PLEKHG3: variants seen among roughly 807,000 people sequenced by gnomAD.
The protein encoded by PLEKHG3 is pleckstrin homology domain-containing family G member 3.
A neutral mutation model predicts 94.9 loss-of-function variants in PLEKHG3; 62 were observed. The ratio of observed to expected loss-of-function variants is 0.65; its 90% confidence interval spans 0.53 to 0.81. PLEKHG3 has a LOEUF of 0.81. Ranked by LOEUF, PLEKHG3 falls within the 30% of genes least tolerant of loss-of-function variation. PLEKHG3 has a pLI of 0.00. For synonymous variants in PLEKHG3, 614 were observed against 654.0 expected, an observed-to-expected ratio of 0.94 and a Z score of 0.93; for missense variants, 1,461 against 1,619.3, an observed-to-expected ratio of 0.90 and a Z score of 1.68.
intron 12 of PLEKHG3, 109 bp downstream of exon 12, chr14:64,733,010 C>T (rs1238691201): frequency 1.4e-6 from 1 of 693,056 alleles, no homozygotes; most frequent in Non-Finnish European, 2.5e-6. Context: ...TGCGGAAACC[C>T]TGGGAAAGGC....
Position 64,725,368 on chromosome 14 carries a change from C to T in PLEKHG3, c.-39-2225C>T, listed in dbSNP as rs1395189579. On this transcript the variant is annotated intron_variant, in intron 1 of 16. Transcript: ENST00000247226. This position sits in a 1 kb window ranked among gnomAD's most constrained non-coding sequence, Gnocchi z 5.0. ...CTGTAAATCCCTGCCCCTTTGTTCC[C>T]TGCTGGGATGGTGGTGGTGGGTGGG... 7.4e-6 allele frequency among the ~76,000 whole-genome samples: 1 copy of T among 134,798 alleles called. No individual in the cohort carries two copies. The highest frequency in any genetic ancestry group is 7.5e-5 in the Admixed American group (1 of 13,340). The allele number at this position is 134,798 out of a possible 152,430, so 88.4% of individuals were successfully genotyped here.
rs2081187664 is a variant in PLEKHG3, at chr14:64,717,402, C to G, written c.-39-10191C>G. 6.6e-6 allele frequency among the ~76,000 whole-genome samples: 1 copy of G among 152,114 alleles called. No individual in the cohort carries two copies. The highest frequency in any genetic ancestry group is 2.4e-5 in the African/African-American group (1 of 41,402). ...TTAGGGAATTGCCCTGGCAGCCTTG[C>G]CTCCAAGCCACCATTCTGATGGGCT... On this transcript the variant is annotated intron_variant, in intron 1 of 16. Transcript: ENST00000247226. This position sits in a 1 kb window ranked among gnomAD's most constrained non-coding sequence, Gnocchi z 4.7.
chr14:64,743,332 C>T lies in PLEKHG3; in HGVS notation c.3289C>T (p.Arg1097Cys), dbSNP rs772238629. 3.4e-5 allele frequency: 55 copies of T among 1,607,052 alleles called. No homozygotes were observed. Among genetic ancestry groups the T allele is most frequent in the East Asian group, 4.5e-5 (2 of 44,816 alleles). ...GCCACCTCTGTCGGGCAGGGTGGGC[C>T]GCTGCCGCAGCCTGAGCACCAAGAG... The part of the protein sequence containing the change: ...VEPPLSGRVG[R>C]CRSLSTKRGR... Residue 1097 changes from arginine (R) to cysteine (C), a missense_variant, in exon 17 of 17, where the codon CGC becomes TGC. By Grantham distance (180) the Arg-to-Cys change is radical. Coordinates refer to ENST00000247226, the MANE Select transcript of PLEKHG3 (RefSeq NM_001308147.2). The surrounding 1 kb of genome is among the most constrained non-coding windows in gnomAD (Gnocchi z 7.2).
At position 64,742,323 on chromosome 14, in the gene PLEKHG3, C is replaced by T. The variant is rs923001296; in HGVS notation, c.2806C>T (p.Arg936Trp). ...CCAGCTGGCCCGCCAGTACAGCCTC[C>T]GGATCAAGAGCAACAAGCCAGTGAT... Reference protein sequence around the residue: ...VYQLARQYSLRIKSNKPVMAR... With the variant: ...VYQLARQYSLWIKSNKPVMAR... The change falls in exon 16 of 17, where the codon CGG becomes TGG. Residue 936 changes from arginine (R) to tryptophan (W), a missense_variant. Physicochemically the swap from Arg to Trp is moderately radical, Grantham distance 101. Coordinates refer to ENST00000247226, the MANE Select transcript of PLEKHG3 (RefSeq NM_001308147.2). 14 of 1,612,910 alleles carry T rather than the reference C, an allele frequency of 8.7e-6. No individual in the cohort carries two copies. The highest frequency in any genetic ancestry group is 3.3e-5 in the South Asian group (3 of 91,090).
chr14:64,736,930 G>T, intron 13 of PLEKHG3, 39 bp downstream of exon 13: 1 of 1,445,160 alleles, frequency 6.9e-7, no homozygotes, highest in East Asian at 2.3e-5. Flanking sequence ...CAGTGAGCGG[G>T]GGAGGAGGAG....
chr14:64,705,087 T>A (rs1390097672), intron 1 of PLEKHG3, among the ~76,000 whole-genome samples: 1 of 152,180 alleles, frequency 6.6e-6, no homozygotes, highest in African/African-American at 2.4e-5. Context: ...TGGACCCTTC[T>A]GCGCGAGGAC....
In PLEKHG3 at chr14:64,741,195, A is replaced by C. The variant is rs61736203; in HGVS notation, c.1678A>C (p.Met560Leu). 4.3e-6 allele frequency: 7 copies of C among 1,613,976 alleles called. No individual in the cohort carries two copies. The highest frequency in any genetic ancestry group is 5.9e-6 in the Non-Finnish European group (7 of 1,180,000). The change falls in exon 16 of 17, where the codon ATG becomes CTG. Residue 560 changes from methionine to leucine, a missense_variant. Physicochemically the swap from Met to Leu is conservative, Grantham distance 15. Transcript: ENST00000247226. ...GLLGMDPPGD[M>L]VDFVAAESTE... ...TCTGGGGATGGACCCCCCAGGTGACATGGTGGACTTCGTGGCAGCTGAGAG... is the reference window on the plus strand; with the variant it reads ...TCTGGGGATGGACCCCCCAGGTGACCTGGTGGACTTCGTGGCAGCTGAGAG...
rs2081592712 is a variant in PLEKHG3 at position 64,737,395 on chromosome 14, GGGGACTGGCTGACAGAGGAGGGT to G, written c.1404+28_1404+50del. 9 of 1,567,498 alleles carry G rather than the reference GGGGACTGGCTGACAGAGGAGGGT, an allele frequency of 5.7e-6. No homozygotes were observed. Among genetic ancestry groups the G allele is most frequent in the Non-Finnish European group, 6.1e-6 (7 of 1,154,354 alleles). On this transcript the variant is annotated intron_variant, in intron 14 of 16. Transcript: ENST00000247226. ...ATGAAGGTAAAGGCCAGTGGGAGGA[GGGGACTGGCTGACAGAGGAGGGT>G]GGGACTGCCCAGGTCAGCCCCCGGC...
In PLEKHG3 at chr14:64,738,776, G is replaced by T; in HGVS notation, c.1439G>T (p.Ser480Ile). The change falls in exon 15 of 17, where the codon AGC (serine) becomes ATC (isoleucine). Residue 480 changes from serine (S) to isoleucine (I), a missense_variant. Transcript: ENST00000247226. This position sits in a 1 kb window ranked among gnomAD's most constrained non-coding sequence, Gnocchi z 4.8. ...CGCAGGGAGTCTGAAAGCTCCAGGA[G>T]CAGCAGAAGGCCCAGTGGCCGGTCT... The part of the protein sequence containing the change: ...KGRRESESSR[S>I]SRRPSGRSPT... 6.3e-7 allele frequency: 1 copy of T among 1,598,340 alleles called. No homozygotes were observed. The highest frequency in any genetic ancestry group is 2.3e-5 in the East Asian group (1 of 44,246).
chr14:64,737,454 C>A, intron 14 of PLEKHG3, 79 bp downstream of exon 14: 1 of 966,412 alleles, frequency 1.0e-6, no homozygotes, highest in Non-Finnish European at 1.5e-6. Flanking sequence ...CCCTTCAGCC[C>A]TCATTGTCTT....
intron 12 of PLEKHG3, 123 bp from the exon 13 acceptor site, chr14:64,736,730 C>T (rs2081577693): frequency 2.6e-6 from 2 of 771,270 alleles, no homozygotes; most frequent in Non-Finnish European, 4.7e-6. Flanking sequence ...CCTATGACTG[C>T]AGGGGGCCAA....
rs2139395788 is a variant in PLEKHG3, at chr14:64,739,949, T to C, written c.1519-1087T>C. Among the ~76,000 whole-genome samples, 1 of 152,304 alleles carries C rather than the reference T, an allele frequency of 6.6e-6. No homozygotes were observed. The highest frequency in any genetic ancestry group is 1.5e-5 in the Non-Finnish European group (1 of 68,028). On this transcript the variant is annotated intron_variant, in intron 15 of 16. Coordinates refer to ENST00000247226, the MANE Select transcript of PLEKHG3 (RefSeq NM_001308147.2). The surrounding 1 kb of genome is among the most constrained non-coding windows in gnomAD (Gnocchi z 4.1). Reference sequence around the variant, plus strand: ...ATTGGGGTGTCAAATAATAATACAATGAGAACCACCCATTACAAAGTTTAA... The same window carrying C: ...ATTGGGGTGTCAAATAATAATACAACGAGAACCACCCATTACAAAGTTTAA...
rs1397077645 is a variant in PLEKHG3 at position 64,720,270 on chromosome 14, C to T, written c.-39-7323C>T. On this transcript the variant is annotated intron_variant, in intron 1 of 16. Transcript: ENST00000247226. This position sits in a 1 kb window ranked among gnomAD's most constrained non-coding sequence, Gnocchi z 4.1. Reference sequence around the variant, plus strand: ...CCCAGCGGGGCAGCTATGCCGTGCTCTAGCTCCCTGTCTGGGGCCAAGTAG... The same window carrying T: ...CCCAGCGGGGCAGCTATGCCGTGCTTTAGCTCCCTGTCTGGGGCCAAGTAG... Among the ~76,000 whole-genome samples, 1 of 152,206 alleles carries T rather than the reference C, an allele frequency of 6.6e-6. No homozygotes were observed. Among genetic ancestry groups the T allele is most frequent in the African/African-American group, 2.4e-5 (1 of 41,452 alleles).
rs1017984468 is a variant in PLEKHG3 at position 64,730,562 on chromosome 14, G to A, written c.520-80G>A. ...ACAGGGGACAGAGGGTGCTCTGGGG[G>A]CCAGGGGCCTATCTGCTACCACCAT... On this transcript the variant is annotated intron_variant, in intron 4 of 16. Transcript: ENST00000247226. This position sits in a 1 kb window ranked among gnomAD's most constrained non-coding sequence, Gnocchi z 5.4. The A allele has an allele frequency of 1.7e-6, 2 of 1,177,918 alleles. No homozygotes were observed. The highest frequency in any genetic ancestry group is 1.3e-5 in the South Asian group (1 of 79,506). The allele number at this position is 1,177,918 out of a possible 1,614,324, so 73.0% of individuals were successfully genotyped here. A position where few individuals can be genotyped will look rare whatever the true frequency, so the allele number is the denominator to read the frequency against.
At position 64,717,706 on chromosome 14, in the gene PLEKHG3, T is replaced by C. The variant is rs2081193320; in HGVS notation, c.-39-9887T>C. On this transcript the variant is annotated intron_variant, in intron 1 of 16. Transcript: ENST00000247226. This position sits in a 1 kb window ranked among gnomAD's most constrained non-coding sequence, Gnocchi z 4.7. ...AATGGGTCTCATTCTTTCTAGCTAA[T>C]GTTCCCTCGATCTCTCGCTCCTCCT... is the stretch of plus-strand genomic sequence containing the variant. Among the ~76,000 whole-genome samples, 1 of 152,248 alleles carries C rather than the reference T, an allele frequency of 6.6e-6. No individual in the cohort carries two copies. Among genetic ancestry groups the C allele is most frequent in the South Asian group, 2.1e-4 (1 of 4,836 alleles).
chr14:64,731,182 TGGGACGCTGGGGGAGGGGCA>T lies in PLEKHG3; in HGVS notation c.849+17_849+36del. The T allele has an allele frequency of 7.8e-7, 1 of 1,279,830 alleles. No individual in the cohort carries two copies. Among genetic ancestry groups the T allele is most frequent in the Non-Finnish European group, 1.1e-6 (1 of 913,432 alleles). 79.3% of individuals were successfully genotyped at this position (1,279,830 alleles called of 1,614,324 possible). A position where few individuals can be genotyped will look rare whatever the true frequency, so the allele number is the denominator to read the frequency against. ...GGTCCGGCTCCAGGTGCTCTGGGGC[TGGGACGCTGGGGGAGGGGCA>T]GGGCTGGGTGGGCCAGGCTTCCGCT... is the stretch of plus-strand genomic sequence containing the variant. On this transcript the variant is annotated intron_variant, in intron 7 of 16. Transcript: ENST00000247226. The surrounding 1 kb of genome is among the most constrained non-coding windows in gnomAD (Gnocchi z 6.1).
intron 1 of PLEKHG3, among the ~76,000 whole-genome samples, chr14:64,724,467 T>A (rs1330984661): frequency 6.6e-6 from 1 of 152,154 alleles, no homozygotes; most frequent in African/African-American, 2.4e-5. Flanking sequence ...TCCAAGAAGT[T>A]TATAGTCCAA....
Position 64,741,143 on chromosome 14 carries a change from G to C in PLEKHG3, c.1626G>C (p.Glu542Asp). 6.2e-7 allele frequency: 1 copy of C among 1,614,138 alleles called. No individual in the cohort carries two copies. Among genetic ancestry groups the C allele is most frequent in the South Asian group, 1.1e-5 (1 of 91,084 alleles). Reference sequence around the variant, plus strand: ...ACACAGAATCTCCAGAAGTCCTGGAGACACAGCTTGATGCCCACCAGGGCC... The same window carrying C: ...ACACAGAATCTCCAGAAGTCCTGGACACACAGCTTGATGCCCACCAGGGCC... The part of the protein sequence containing the change: ...PSDTESPEVL[E>D]TQLDAHQGLL... Residue 542 changes from glutamate (E) to aspartate (D), a missense_variant, in exon 16 of 17, where the codon GAG (glutamate) becomes GAC (aspartate). Glu to Asp is a conservative substitution (Grantham distance 45). Transcript: ENST00000247226.
chr14:64,711,871 T>C (rs968010213), intron 1 of PLEKHG3, among the ~76,000 whole-genome samples: 1 of 152,252 alleles, frequency 6.6e-6, no homozygotes, highest in African/African-American at 2.4e-5. Context: ...ATTTTTTCTT[T>C]AGTTGCTAGT....
Sources: gnomAD v4.1 joint callset for allele counts (sites outside exome capture counted in the v4.1 genomes callset) on GRCh38, gnomAD v4.1.1 for gene constraint, Gnocchi (gnomAD v3.1) non-coding constraint, MANE v1.5 for transcripts, NCBI Gene and HGNC (gene_info 2026-07-23, HGNC 2026-07-21) for gene names.